SUN2: variants seen among roughly 807,000 people sequenced by gnomAD.
SUN2 encodes Sad1 and UNC84 domain containing 2.
In SUN2, 60 loss-of-function variants were observed where a neutral mutation model predicts 100.0. The ratio of observed to expected loss-of-function variants is 0.60; its 90% confidence interval spans 0.49 to 0.74. The LOEUF (loss-of-function observed/expected upper bound fraction) is 0.74. Ranked by LOEUF, SUN2 falls within the 30% of genes least tolerant of loss-of-function variation. The pLI is 0.00. For missense variants in SUN2, 834 were observed against 954.6 expected, an observed-to-expected ratio of 0.87 and a Z score of 1.66; for synonymous variants, 367 against 403.3, an observed-to-expected ratio of 0.91 and a Z score of 1.08.
rs1314462481 is a variant in SUN2, at chr22:38,737,733, G to A, written c.2040+440C>T. The stretch of plus-strand genomic sequence containing the variant: ...GCCCTAAGGAACCAGACTCTCCTGG[G>A]GTGGAGACTGGGAATCTGCATTTCT... On this transcript the variant is annotated intron_variant, in intron 17 of 17. Coordinates refer to ENST00000689035, the MANE Select transcript of SUN2 (RefSeq NM_015374.3). This position sits in a 1 kb window ranked among gnomAD's most constrained non-coding sequence, Gnocchi z 4.1. 2.7e-6 allele frequency: 1 copy of A among 370,312 alleles called. No individual in the cohort carries two copies. The highest frequency in any genetic ancestry group is 2.0e-5 in the South Asian group (1 of 49,818). The allele number at this position is 370,312 out of a possible 1,614,324, so 22.9% of individuals were successfully genotyped here.
Position 38,751,038 on chromosome 22 carries a change from G to T in SUN2, c.287-3C>A. 4.3e-6 allele frequency: 7 copies of T among 1,612,594 alleles called. No homozygotes were observed. The highest frequency in any genetic ancestry group is 5.9e-6 in the Non-Finnish European group (7 of 1,179,372). ...CCTCCGCACCCGCAGGTCCTCACCTGTGCAGGGAAGAACCAGGGGCTCTTC... is the reference window on the plus strand; with the variant it reads ...CCTCCGCACCCGCAGGTCCTCACCTTTGCAGGGAAGAACCAGGGGCTCTTC... On this transcript the variant is annotated splice_polypyrimidine_tract_variant and splice_region_variant and intron_variant, in intron 3 of 17. Transcript: ENST00000689035.
Position 38,742,358 on chromosome 22 carries a change from G to A in SUN2, c.1011C>T (p.Ser337=). The A allele has an allele frequency of 6.2e-7, 1 of 1,612,004 alleles. No individual in the cohort carries two copies. The highest frequency in any genetic ancestry group is 8.5e-7 in the Non-Finnish European group (1 of 1,178,778). ...CCTCCTTCAGGGCAGCTTCACGGCGGCTCACTAGCCCCTCCAGCAGCGCCA... is the reference window on the plus strand; with the variant it reads ...CCTCCTTCAGGGCAGCTTCACGGCGACTCACTAGCCCCTCCAGCAGCGCCA... The part of the protein sequence containing the change: ...DTLALLEGLV[S]RREAALKEDF... Residue 337 remains serine (S), a synonymous_variant, in exon 9 of 18, where the codon AGC becomes AGT. Transcript: ENST00000689035.
chr22:38,752,119 T>C (rs2092949720), intron 2 of SUN2, among the ~76,000 whole-genome samples: 2 of 152,170 alleles, frequency 1.3e-5, no homozygotes, highest in Admixed American at 1.3e-4. Context: ...GGATTACAGC[T>C]GCCTGCCACC....
In SUN2 at chr22:38,740,322, G is replaced by A. The variant is rs990153882; in HGVS notation, c.1301C>T (p.Ser434Leu). 1.7e-5 allele frequency: 28 copies of A among 1,602,322 alleles called. No homozygotes were observed. The highest frequency in any genetic ancestry group is 5.4e-5 in the African/African-American group (4 of 74,712). ...ELAALALKQS[S>L]VAEEVGLLPQ... ...CAGCAGGCCCACTTCTTCCGCCACC[G>A]AGCTCTGCTTCAGTGCCAGAGCCGC... Residue 434 changes from serine (S) to leucine (L), a missense_variant, in exon 12 of 18, where the codon TCG becomes TTG. Physicochemically the swap from Ser to Leu is moderately radical, Grantham distance 145. Coordinates refer to ENST00000689035, the MANE Select transcript of SUN2 (RefSeq NM_015374.3). This position sits in a 1 kb window ranked among gnomAD's most constrained non-coding sequence, Gnocchi z 4.8.
In SUN2 at chr22:38,739,862, C is replaced by T. The variant is rs773859385; in HGVS notation, c.1438G>A (p.Glu480Lys). The T allele has an allele frequency of 6.2e-7, 1 of 1,613,566 alleles. No homozygotes were observed. The highest frequency in any genetic ancestry group is 2.2e-5 in the East Asian group (1 of 44,886). The change falls in exon 13 of 18, where the codon GAG becomes AAG. Residue 480 changes from glutamate to lysine, a missense_variant. Transcript: ENST00000689035. This position sits in a 1 kb window ranked among gnomAD's most constrained non-coding sequence, Gnocchi z 6.7. The stretch of plus-strand genomic sequence containing the variant: ...AGCTCTCGCAGCTGAGCTTGCATCT[C>T]CTCTCTCTGAAGGAGCCCCACGCGG... The part of the protein sequence containing the change: ...GGRVGLLQRE[E>K]MQAQLRELES...
At chr22:38,749,680 A>T in intron 6 of SUN2, 86 bp downstream of exon 6, 1 of 1,264,210 alleles carries the variant, frequency 7.9e-7, no homozygotes, top group Middle Eastern at 1.9e-4. Context: ...ACCCTCAGAG[A>T]ATCGACCATT....
Position 38,739,917 on chromosome 22 carries a change from G to A in SUN2, c.1383C>T (p.Ile461=). 2 of 1,612,252 alleles carry A rather than the reference G, an allele frequency of 1.2e-6. No homozygotes were observed. The highest frequency in any genetic ancestry group is 1.1e-5 in the South Asian group (1 of 91,086). The stretch of plus-strand genomic sequence containing the variant: ...CTCCACCTCGGGCAAGGAACTGACT[G>A]ATCCAGGCCGGGAACTGAGATTCCA... ...DDVESQFPAW[I]SQFLARGGGG... Residue 461 remains isoleucine, a synonymous_variant, in exon 13 of 18, where the codon ATC becomes ATT. Transcript: ENST00000689035. This position sits in a 1 kb window ranked among gnomAD's most constrained non-coding sequence, Gnocchi z 6.7.
intron 8 of SUN2, chr22:38,745,289 C>G: frequency 2.3e-6 from 1 of 435,512 alleles, no homozygotes; most frequent in Non-Finnish European, 4.7e-6. Context: ...TCCACACAGG[C>G]AAGTACGAGC....
intron 2 of SUN2, among the ~76,000 whole-genome samples, chr22:38,752,147 G>C (rs1037978650): frequency 1.1e-4 from 17 of 152,140 alleles, no homozygotes; most frequent in Non-Finnish European, 1.8e-4. Flanking sequence ...GCTAATTTTT[G>C]TATTTTTAGT....
At position 38,737,751 on chromosome 22, in the gene SUN2, G is replaced by C; in HGVS notation, c.2040+422C>G. ...CTCCTGGGGTGGAGACTGGGAATCT[G>C]CATTTCTAACTGACTTAGGAGATCG... On this transcript the variant is annotated intron_variant, in intron 17 of 17. Coordinates refer to ENST00000689035, the MANE Select transcript of SUN2 (RefSeq NM_015374.3). This position sits in a 1 kb window ranked among gnomAD's most constrained non-coding sequence, Gnocchi z 4.1. 1 of 374,624 alleles carries C rather than the reference G, an allele frequency of 2.7e-6. No individual in the cohort carries two copies. The highest frequency in any genetic ancestry group is 2.0e-5 in the South Asian group (1 of 50,396). The allele number at this position is 374,624 out of a possible 1,614,324, so 23.2% of individuals were successfully genotyped here.
chr22:38,747,354 A>G (rs2092912331), intron 7 of SUN2, among the ~76,000 whole-genome samples: 1 of 152,132 alleles, frequency 6.6e-6, no homozygotes, highest in South Asian at 2.1e-4. Context: ...AAAAAGAAGA[A>G]GAATCATTAT....
chr22:38,738,483 C>A lies in SUN2; in HGVS notation c.1947+104G>T. On this transcript the variant is annotated intron_variant, in intron 16 of 17. Coordinates refer to ENST00000689035, the MANE Select transcript of SUN2 (RefSeq NM_015374.3). The surrounding 1 kb of genome is among the most constrained non-coding windows in gnomAD (Gnocchi z 6.6). ...TAGCTCCTCCTCTTCCAAATCCACT[C>A]CCCTCCCTTCCAGTCCAAGGGTGAC... 4 of 1,463,686 alleles carry A rather than the reference C, an allele frequency of 2.7e-6. No homozygotes were observed. The highest frequency in any genetic ancestry group is 3.7e-6 in the Non-Finnish European group (4 of 1,073,398). 90.7% of individuals were successfully genotyped at this position (1,463,686 alleles called of 1,614,324 possible).
rs770137137 is a variant in SUN2 at position 38,737,086 on chromosome 22, A to G, written c.2041-706T>C. Among the ~76,000 whole-genome samples the G allele has an allele frequency of 6.6e-6, 1 of 152,130 alleles. No homozygotes were observed. Among genetic ancestry groups the G allele is most frequent in the Non-Finnish European group, 1.5e-5 (1 of 68,020 alleles). ...GGTCTTGAACTCCTGGGCTCAAGCA[A>G]TCCCCTCGCCTTGGCCTTGCAAAGT... On this transcript the variant is annotated intron_variant, in intron 17 of 17. Coordinates refer to ENST00000689035, the MANE Select transcript of SUN2 (RefSeq NM_015374.3). This position sits in a 1 kb window ranked among gnomAD's most constrained non-coding sequence, Gnocchi z 4.1.
intron 9 of SUN2, among the ~76,000 whole-genome samples, chr22:38,742,012 C>T (rs986662746): frequency 2.0e-5 from 3 of 151,978 alleles, no homozygotes; most frequent in African/African-American, 4.8e-5. Flanking sequence ...TGGTGGTGCA[C>T]GCCTGTAATC....
At chr22:38,749,908 A>G in intron 5 of SUN2, 49 bp from the exon 6 acceptor site, 1 of 1,555,110 alleles carries the variant, frequency 6.4e-7, no homozygotes, top group Non-Finnish European at 8.7e-7. Flanking sequence ...GTTTGGGGGC[A>G]CCGCTCCTTT....
At chr22:38,752,424 G>A (rs1231541732) in intron 2 of SUN2, 83 bp downstream of exon 2, 2 of 1,507,494 alleles carry the variant, frequency 1.3e-6, no homozygotes, top group East Asian at 4.6e-5. Flanking sequence ...AAGGCAGGGG[G>A]ATGGCTGGAC....
chr22:38,755,895 C>A lies in SUN2; in HGVS notation c.-170G>T. 2 of 982,150 alleles carry A rather than the reference C, an allele frequency of 2.0e-6. No individual in the cohort carries two copies. The highest frequency in any genetic ancestry group is 2.4e-6 in the Non-Finnish European group (2 of 828,678). 60.8% of individuals were successfully genotyped at this position (982,150 alleles called of 1,614,324 possible). A position where few individuals can be genotyped will look rare whatever the true frequency, so the allele number is the denominator to read the frequency against. ...GGCGACACAGCGGCCGGGCCCGGGGCGCGCGGGCACGCGAAGAGCGGCGAC... is the reference window on the plus strand; with the variant it reads ...GGCGACACAGCGGCCGGGCCCGGGGAGCGCGGGCACGCGAAGAGCGGCGAC... On this transcript the variant is annotated 5_prime_UTR_variant, in exon 1 of 18. Transcript: ENST00000689035. This position sits in a 1 kb window ranked among gnomAD's most constrained non-coding sequence, Gnocchi z 5.7.
chr22:38,737,839 C>A lies in SUN2; in HGVS notation c.2040+334G>T, dbSNP rs958108553. The A allele has an allele frequency of 1.9e-6, 1 of 517,680 alleles. No individual in the cohort carries two copies. Among genetic ancestry groups the A allele is most frequent in the Non-Finnish European group, 3.8e-6 (1 of 262,998 alleles). The allele number at this position is 517,680 out of a possible 1,614,324, so 32.1% of individuals were successfully genotyped here. ...GGCTCCAGCTGGCCATGGTAGAATG[C>A]CCGCGCCCTGGCATGTGCTGGCGGC... On this transcript the variant is annotated intron_variant, in intron 17 of 17. Transcript: ENST00000689035. This position sits in a 1 kb window ranked among gnomAD's most constrained non-coding sequence, Gnocchi z 4.1.
Position 38,735,124 on chromosome 22 carries a change from A to G in SUN2, c.*1143T>C. ...ACCTTGAAAAATATATACATAATAC[A>G]GTGGGGCCTGCTGGCTCTAAAAGTC... On this transcript the variant is annotated 3_prime_UTR_variant, in exon 18 of 18. Coordinates refer to ENST00000689035, the MANE Select transcript of SUN2 (RefSeq NM_015374.3). 1 of 405,136 alleles carries G rather than the reference A, an allele frequency of 2.5e-6. No individual in the cohort carries two copies. Among genetic ancestry groups the G allele is most frequent in the Non-Finnish European group, 4.8e-6 (1 of 207,444 alleles). 25.1% of individuals were successfully genotyped at this position (405,136 alleles called of 1,614,324 possible).
Sources: allele counts gnomAD v4.1 joint callset (sites outside exome capture counted in the v4.1 genomes callset), GRCh38; gene constraint gnomAD v4.1.1; non-coding constraint Gnocchi (gnomAD v3.1); transcripts MANE v1.5; gene names NCBI Gene and HGNC (gene_info 2026-07-23, HGNC 2026-07-21).